Variants in ACTN2 observed in about 807,000 individuals in gnomAD.
ACTN2 encodes alpha-actinin-2.
A neutral mutation model predicts 113.8 loss-of-function variants in ACTN2; 39 were observed. That is an observed-to-expected ratio of 0.34 (90% CI 0.27 to 0.45). The LOEUF is 0.45. Among genes scored for constraint, ACTN2 ranks in the 20% least tolerant of loss-of-function variants. The pLI is 1.00. For missense variants in ACTN2, 992 were observed against 1,177.9 expected (o/e 0.84, Z 2.31); for synonymous variants, 429 against 444.1 (o/e 0.97, Z 0.43).
intron 1 of ACTN2, among the ~76,000 whole-genome samples, chr1:236,695,496 A>G (rs535320169): frequency 7.1e-4 from 107 of 151,724 alleles, no homozygotes; most frequent in Non-Finnish European, 8.1e-4. Context: ...TATGTATATC[A>G]TAATAAAATT....
At chr1:236,717,277 C>CT (rs1451775717) in intron 1 of ACTN2, among the ~76,000 whole-genome samples, 1 of 151,854 alleles carries the variant, frequency 6.6e-6, no homozygotes, top group African/African-American at 2.4e-5. Flanking sequence ...GACCCCATCT[C>CT]TAAAAAAAAA....
At position 236,737,225 on chromosome 1, in the gene ACTN2, C is replaced by T; in HGVS notation, c.876+11C>T. On this transcript the variant is annotated intron_variant, in intron 9 of 20. Transcript: ENST00000366578. Reference sequence around the variant, plus strand: ...AGGCTAGCGAGTGAGGTAAAGGAAACTGGTGACCTGCAGTTCTGTCCATCC... The same window carrying T: ...AGGCTAGCGAGTGAGGTAAAGGAAATTGGTGACCTGCAGTTCTGTCCATCC... The T allele has an allele frequency of 1.3e-6, 2 of 1,562,480 alleles. No homozygotes were observed. Among genetic ancestry groups the T allele is most frequent in the African/African-American group, 1.4e-5 (1 of 73,504 alleles).
chr1:236,739,450 A>G lies in ACTN2; in HGVS notation c.1025A>G (p.Glu342Gly), dbSNP rs1234368540. 6.2e-7 allele frequency: 1 copy of G among 1,614,146 alleles called. No homozygotes were observed. Among genetic ancestry groups the G allele is most frequent in the Non-Finnish European group, 8.5e-7 (1 of 1,180,046 alleles). Reference sequence around the variant, plus strand: ...AAGGTGCAGGAGAAATGCCAGCTGGAGATCAACTTCAACACGCTGCAGACC... The same window carrying G: ...AAGGTGCAGGAGAAATGCCAGCTGGGGATCAACTTCAACACGCTGCAGACC... ...PPKVQEKCQL[E>G]INFNTLQTKL... The change falls in exon 10 of 21, where the codon GAG (glutamate) becomes GGG (glycine). Residue 342 changes from glutamate to glycine, a missense_variant. By Grantham distance (98) the Glu-to-Gly change is moderately conservative. This residue lies in a region of ACTN2 where 736 missense variants were observed against 815.4 expected (regional missense o/e 0.90). Coordinates refer to ENST00000366578, the MANE Select transcript of ACTN2 (RefSeq NM_001103.4).
At chr1:236,733,360 G>T (rs707205) in intron 7 of ACTN2, among the ~76,000 whole-genome samples, 1 of 151,948 alleles carries the variant, frequency 6.6e-6, no homozygotes, top group Non-Finnish European at 1.5e-5. Context: ...TTACTCTGGC[G>T]CTGCTAATAT....
intron 1 of ACTN2, among the ~76,000 whole-genome samples, chr1:236,710,849 T>C (rs1231126965): frequency 1.3e-5 from 2 of 152,238 alleles, no homozygotes; most frequent in Non-Finnish European, 2.9e-5. Flanking sequence ...GAATGGCTGA[T>C]GATCTGAGGT....
At chr1:236,704,071 G>A (rs188015380) in intron 1 of ACTN2, among the ~76,000 whole-genome samples, 231 of 152,220 alleles carry the variant, frequency 1.5e-3, no homozygotes, top group African/African-American at 5.1e-3. Flanking sequence ...GGATGCATAC[G>A]GAGTTTTAAA....
intron 4 of ACTN2, 111 bp downstream of exon 4, chr1:236,720,302 A>G (rs1240235685): frequency 1.1e-6 from 1 of 873,512 alleles, no homozygotes; most frequent in South Asian, 1.4e-5. Flanking sequence ...ATTGAATGAG[A>G]GACATGTAAG....
chr1:236,733,185 A>G (rs10925207), intron 7 of ACTN2, among the ~76,000 whole-genome samples: 9,851 of 152,268 alleles, frequency 0.065, 372 homozygotes, highest in Admixed American at 0.13. Context: ...ATAAATAACT[A>G]TCTCGAGTTT....
intron 9 of ACTN2, among the ~76,000 whole-genome samples, chr1:236,737,511 C>G (rs1050664964): frequency 6.7e-6 from 1 of 148,918 alleles, no homozygotes; most frequent in East Asian, 2.0e-4. Flanking sequence ...CTCTGCACCT[C>G]CAGGGTTGGA....
Position 236,761,153 on chromosome 1 carries a change from C to T in ACTN2, c.2506C>T (p.Arg836Trp), listed in dbSNP as rs727502887. The T allele has an allele frequency of 6.8e-6, 11 of 1,614,010 alleles. No homozygotes were observed. The highest frequency in any genetic ancestry group is 2.2e-5 in the South Asian group (2 of 91,082). The change falls in exon 20 of 21, where the codon CGG (arginine) becomes TGG (tryptophan). Residue 836 changes from arginine (R) to tryptophan (W), a missense_variant. Physicochemically the swap from Arg to Trp is moderately radical, Grantham distance 101 (BLOSUM62 -3). Coordinates refer to ENST00000366578, the MANE Select transcript of ACTN2 (RefSeq NM_001103.4). ...DTAEQVIASF[R>W]ILASDKPYIL... ...TGCCGAGCAGGTCATCGCCTCCTTC[C>T]GGATCCTGGCTTCTGATAAGGTCTG...
At chr1:236,741,303 G>A (rs1659059935) in intron 10 of ACTN2, among the ~76,000 whole-genome samples, 2 of 152,160 alleles carry the variant, frequency 1.3e-5, no homozygotes, top group South Asian at 4.1e-4. Context: ...GCCTCCCAAA[G>A]TGCTGGGATT....
chr1:236,726,506 G>A (rs1658554635), intron 5 of ACTN2, among the ~76,000 whole-genome samples: 1 of 152,212 alleles, frequency 6.6e-6, no homozygotes, highest in South Asian at 2.1e-4. Context: ...GGTAGGAAAT[G>A]AGATGAATGA....
chr1:236,704,599 A>G (rs1657770036), intron 1 of ACTN2, among the ~76,000 whole-genome samples: 1 of 152,220 alleles, frequency 6.6e-6, no homozygotes, highest in Non-Finnish European at 1.5e-5. Flanking sequence ...GAACTCAAGG[A>G]AACAGGTACG....
In ACTN2 at chr1:236,710,830, A is replaced by G. The variant is rs186221639; in HGVS notation, c.127-7028A>G. Among the ~76,000 whole-genome samples the G allele has an allele frequency of 7.2e-5, 11 of 152,304 alleles. No homozygotes were observed. The East Asian group carries it at 1.7e-3, about 24-fold the overall frequency. On this transcript the variant is annotated intron_variant, in intron 1 of 20. Transcript: ENST00000366578. ...CAGAAATCTACATTGTGCGCTCTTT[A>G]TGAGAATCGAATGGCTGATGATCTG...
At chr1:236,687,346 A>G (rs819667) in intron 1 of ACTN2, among the ~76,000 whole-genome samples, 149,218 of 152,292 alleles carry the variant, frequency 0.98, 73,173 homozygotes, top group East Asian at 1. Flanking sequence ...TCTATTTATA[A>G]TTCATTGAGG....
Position 236,717,976 on chromosome 1 carries a change from G to A in ACTN2, c.241+4G>A, listed in dbSNP as rs561826525. On this transcript the variant is annotated splice_donor_region_variant and intron_variant, in intron 2 of 20. Coordinates refer to ENST00000366578, the MANE Select transcript of ACTN2 (RefSeq NM_001103.4). ...CTGCTTTTGGAAGTCATCTCAGGTT[G>A]GTGTTATATATCCCATCCTATGCTT... 136 of 1,604,104 alleles carry A rather than the reference G, an allele frequency of 8.5e-5. 1 individual carries two copies. The South Asian group carries it at 1.3e-3, about 15-fold the overall frequency.
rs77770795 is a variant in ACTN2, at chr1:236,729,835, C to A, written c.616-1398C>A. ...GGATTGTACTGCATAGACCCAGTTTCATTAGCAATTTATTATGGTCAGTTT... is the reference window on the plus strand; with the variant it reads ...GGATTGTACTGCATAGACCCAGTTTAATTAGCAATTTATTATGGTCAGTTT... On this transcript the variant is annotated intron_variant, in intron 6 of 20. Coordinates refer to ENST00000366578, the MANE Select transcript of ACTN2 (RefSeq NM_001103.4). Among the ~76,000 whole-genome samples the A allele has an allele frequency of 5.7e-3, 873 of 152,286 alleles. 6 individuals are homozygous for A. The highest frequency in any genetic ancestry group is 0.02 in the African/African-American group (813 of 41,550).
chr1:236,749,360 T>TAA, intron 14 of ACTN2, 96 bp downstream of exon 14: 1 of 1,474,022 alleles, frequency 6.8e-7, no homozygotes, highest in South Asian at 1.2e-5. Context: ...TTTCTTGCTT[T>TAA]AAAAAAAAAT....
intron 2 of ACTN2, among the ~76,000 whole-genome samples, chr1:236,718,653 C>T (rs1341002488): frequency 6.6e-6 from 1 of 152,162 alleles, no homozygotes; most frequent in African/African-American, 2.4e-5. Flanking sequence ...CCAGACTCTC[C>T]CTGCAGATCT....
Sources: allele counts gnomAD v4.1 joint callset (sites outside exome capture counted in the v4.1 genomes callset), GRCh38; gene constraint gnomAD v4.1.1; regional missense constraint gnomAD v4.1.1; transcripts MANE v1.5; gene names NCBI Gene and HGNC (gene_info 2026-07-23, HGNC 2026-07-21).